RIMS2: variants seen among roughly 807,000 people sequenced by gnomAD.
RIMS2 encodes regulating synaptic membrane exocytosis protein 2.
In RIMS2, 59 loss-of-function variants were observed where a neutral mutation model predicts 174.4. The ratio of observed to expected loss-of-function variants is 0.34; its 90% CI spans 0.27 to 0.42. RIMS2 has a LOEUF of 0.42. Ranked by LOEUF, RIMS2 falls within the 10% of genes least tolerant of loss-of-function variation. The pLI, the probability that RIMS2 is intolerant of heterozygous loss-of-function variation, is 1.00. For synonymous variants in RIMS2, 606 were observed against 572.5 expected, an observed-to-expected ratio of 1.06 and a Z score of -0.84; for missense variants, 1,620 against 1,666.3, an observed-to-expected ratio of 0.97 and a Z score of 0.48.
At chr8:103,785,803 T>C (rs529764993) in intron 3 of RIMS2, among the ~76,000 whole-genome samples, 1 of 152,300 alleles carries the variant, frequency 6.6e-6, no homozygotes, top group Non-Finnish European at 1.5e-5. Flanking sequence ...TTAGGGAGGA[T>C]TCCCTCTTTT....
At chr8:103,876,434 T>A (rs984512709) in intron 3 of RIMS2, among the ~76,000 whole-genome samples, 2 of 151,554 alleles carry the variant, frequency 1.3e-5, no homozygotes, top group Non-Finnish European at 2.9e-5. Flanking sequence ...AGAAGTAGGG[T>A]CGTCTGATTT....
chr8:104,114,910 T>C (rs1201287518), intron 19 of RIMS2, among the ~76,000 whole-genome samples: 1 of 152,038 alleles, frequency 6.6e-6, no homozygotes, highest in Non-Finnish European at 1.5e-5. Context: ...CATTGAAGGA[T>C]TGCAAATATT....
chr8:103,513,118 A>T (rs1827347124), intron 1 of RIMS2, among the ~76,000 whole-genome samples: 2 of 152,210 alleles, frequency 1.3e-5, no homozygotes, highest in Admixed American at 1.3e-4. Context: ...GGATGAACCC[A>T]GAATGTATGG....
chr8:103,500,783 G>GT lies in RIMS2; in HGVS notation c.-103dup, dbSNP rs2130685204. ...TGGATTGAAGGCCATTGATTTGTAT[G>GT]TATTTGTCCCAGCGCTGGAGGCTGC... On this transcript the variant is annotated 5_prime_UTR_variant, in exon 1 of 24. Coordinates refer to ENST00000504942, the Ensembl canonical transcript of RIMS2. 4 of 637,646 alleles carry GT rather than the reference G, an allele frequency of 6.3e-6. No homozygotes were observed. In the South Asian group the frequency reaches 8.3e-5, roughly 13 times the overall value. 39.5% of individuals were successfully genotyped at this position (637,646 alleles called of 1,614,324 possible).
intron 2 of RIMS2, among the ~76,000 whole-genome samples, chr8:103,730,452 G>C (rs189661815): frequency 1.1e-3 from 162 of 152,004 alleles, no homozygotes; most frequent in Non-Finnish European, 1.9e-3. Flanking sequence ...AATGTATTTT[G>C]TCTAATTATA....
chr8:104,184,012 T>C (rs2098954983), intron 19 of RIMS2, among the ~76,000 whole-genome samples: 1 of 151,576 alleles, frequency 6.6e-6, no homozygotes, highest in Non-Finnish European at 1.5e-5. Context: ...TACTGAAACA[T>C]TGTATTTTTT....
chr8:103,980,980 T>C (rs898041987), intron 16 of RIMS2, among the ~76,000 whole-genome samples: 1 of 152,154 alleles, frequency 6.6e-6, no homozygotes, highest in African/African-American at 2.4e-5. Flanking sequence ...CATCTGTGGA[T>C]CTGATCAGGG....
chr8:103,697,275 A>C (rs1590591035), exon 2 of RIMS2: 1 of 1,613,360 alleles, frequency 6.2e-7, no homozygotes, highest in Middle Eastern at 1.7e-4. Context: ...GTGGAGGTCG[A>C]GTGTCATTAC....
chr8:103,954,812 G>A (rs2086622890), intron 14 of RIMS2, among the ~76,000 whole-genome samples: 1 of 152,208 alleles, frequency 6.6e-6, no homozygotes, highest in Admixed American at 6.5e-5. Context: ...AACAAATCCA[G>A]GAGCTGGTTT....
rs147810200 is a variant in RIMS2 at position 104,080,788 on chromosome 8, C to A, written c.3334+66173C>A. Among the ~76,000 whole-genome samples, 1,288 of 152,012 alleles carry A rather than the reference C, an allele frequency of 8.5e-3. 22 individuals carry two copies. The highest frequency in any genetic ancestry group is 0.03 in the African/African-American group (1,225 of 41,512). ...AAGGATTACAGATATCATTTATTAG[C>A]AAAATAAATATAACGTTTTATTAAA... is the stretch of plus-strand genomic sequence containing the variant. On this transcript the variant is annotated intron_variant, in intron 19 of 23. Coordinates refer to ENST00000504942, the Ensembl canonical transcript of RIMS2.
chr8:103,715,958 T>C (rs2097363574), intron 2 of RIMS2, among the ~76,000 whole-genome samples: 1 of 152,146 alleles, frequency 6.6e-6, no homozygotes. Flanking sequence ...TTTTTTGAGC[T>C]CAGTGTTTAA....
intron 2 of RIMS2, among the ~76,000 whole-genome samples, chr8:103,764,914 C>A (rs1564553114): frequency 1.3e-5 from 2 of 151,940 alleles, no homozygotes; most frequent in Non-Finnish European, 2.9e-5. Flanking sequence ...AATGTATATA[C>A]AATTCAATGA....
intron 3 of RIMS2, among the ~76,000 whole-genome samples, chr8:103,877,740 G>A (rs941985089): frequency 5.3e-5 from 8 of 151,076 alleles, no homozygotes; most frequent in Admixed American, 2.0e-4. Context: ...CTATGTGAAC[G>A]TTAGGATTTT....
At chr8:103,609,451 C>T (rs1478126585) in intron 1 of RIMS2, among the ~76,000 whole-genome samples, 1 of 146,780 alleles carries the variant, frequency 6.8e-6, no homozygotes. Context: ...TAAGAATGGT[C>T]TTTCCTAGAC....
intron 19 of RIMS2, among the ~76,000 whole-genome samples, chr8:104,222,009 A>G (rs1008653348): frequency 2.6e-5 from 4 of 152,136 alleles, no homozygotes; most frequent in Non-Finnish European, 4.4e-5. Flanking sequence ...CTCTGCCTCA[A>G]ACTCACTCTC....
chr8:103,510,206 G>A (rs1825791327), intron 1 of RIMS2, among the ~76,000 whole-genome samples: 2 of 152,276 alleles, frequency 1.3e-5, no homozygotes, highest in East Asian at 1.9e-4. Context: ...TAACTGGGTA[G>A]CAGAATAACC....
intron 1 of RIMS2, among the ~76,000 whole-genome samples, chr8:103,686,602 A>C (rs142666029): frequency 6.6e-6 from 1 of 152,318 alleles, no homozygotes; most frequent in East Asian, 1.9e-4. Context: ...TGAATTTAAA[A>C]TGTGGTTCCA....
At position 104,223,674 on chromosome 8, in the gene RIMS2, G is replaced by T. The variant is rs781511006; in HGVS notation, c.3335-21242G>T. ...AAGATGGGCCGGCAGGGCTTGGGGG[G>T]TGCCAGCGCTGCGGGGCGCTCCATG... On this transcript the variant is annotated intron_variant, in intron 19 of 23. Coordinates refer to ENST00000504942, the Ensembl canonical transcript of RIMS2. 3.8e-6 allele frequency: 6 copies of T among 1,590,886 alleles called. No individual in the cohort carries two copies. In the East Asian group the frequency reaches 6.8e-5, roughly 18 times the overall value.
intron 19 of RIMS2, among the ~76,000 whole-genome samples, chr8:104,210,508 A>G (rs2099100521): frequency 6.6e-6 from 1 of 152,150 alleles, no homozygotes; most frequent in Non-Finnish European, 1.5e-5. Flanking sequence ...ATTAAAGGAG[A>G]TTCTTTTAAA....
Sources: allele counts gnomAD v4.1 joint callset (sites outside exome capture counted in the v4.1 genomes callset), GRCh38; gene constraint gnomAD v4.1.1; transcripts MANE v1.5; gene names NCBI Gene and HGNC (gene_info 2026-07-23, HGNC 2026-07-21).